Variants in PXDNL observed in about 807,000 individuals in gnomAD.
PXDNL encodes the protein peroxidasin like.
Under a neutral mutation model 150.8 loss-of-function variants are expected in PXDNL, and 145 were observed. That is an observed-to-expected ratio of 0.96 (90% CI 0.84 to 1.10). The LOEUF (loss-of-function observed/expected upper bound fraction) is 1.10, where lower values mean the gene tolerates loss of function less well. Ranked by LOEUF, PXDNL falls within the 50% of genes least tolerant of loss-of-function variation. PXDNL has a pLI of 0.00. For synonymous variants in PXDNL, 757 were observed against 725.7 expected (o/e 1.04, Z -0.69); for missense variants, 2,087 against 1,873.9 (o/e 1.11, Z -2.10).
intron 4 of PXDNL, among the ~76,000 whole-genome samples, chr8:51,550,559 T>C (rs1353388519): frequency 6.6e-6 from 1 of 152,092 alleles, no homozygotes; most frequent in African/African-American, 2.4e-5. Flanking sequence ...ATACACCACA[T>C]AAACAGAATT....
At chr8:51,375,498 G>A (rs907907403) in intron 17 of PXDNL, among the ~76,000 whole-genome samples, 4 of 152,158 alleles carry the variant, frequency 2.6e-5, no homozygotes, top group Non-Finnish European at 5.9e-5. Context: ...ACTACAAATA[G>A]TTTAGTTTGC....
intron 19 of PXDNL, among the ~76,000 whole-genome samples, chr8:51,350,751 T>C (rs1302720552): frequency 6.6e-6 from 1 of 152,204 alleles, no homozygotes; most frequent in Non-Finnish European, 1.5e-5. Flanking sequence ...GACTTGGCTC[T>C]TAGCCACATG....
chr8:51,559,669 G>T (rs1417098948), intron 3 of PXDNL, among the ~76,000 whole-genome samples: 1 of 151,908 alleles, frequency 6.6e-6, no homozygotes, highest in Non-Finnish European at 1.5e-5. Flanking sequence ...TGGCAGAAGG[G>T]GTAGAACAAC....
At chr8:51,626,046 A>G (rs956304963) in intron 2 of PXDNL, among the ~76,000 whole-genome samples, 3 of 152,252 alleles carry the variant, frequency 2.0e-5, no homozygotes, top group African/African-American at 7.2e-5. Flanking sequence ...TGCAACAAAA[A>G]ATGTAATTTT....
At chr8:51,656,557 T>G (rs1563497786) in intron 1 of PXDNL, among the ~76,000 whole-genome samples, 1 of 152,196 alleles carries the variant, frequency 6.6e-6, no homozygotes, top group Non-Finnish European at 1.5e-5. Flanking sequence ...AGGGCTCTCC[T>G]CTTGCATTAA....
At chr8:51,633,574 A>T (rs1474183277) in intron 2 of PXDNL, among the ~76,000 whole-genome samples, 1 of 152,076 alleles carries the variant, frequency 6.6e-6, no homozygotes, top group African/African-American at 2.4e-5. Context: ...ACTTCTTAAT[A>T]ATAGCCATTA....
chr8:51,386,327 G>C (rs554913559), intron 17 of PXDNL, among the ~76,000 whole-genome samples: 1 of 152,000 alleles, frequency 6.6e-6, no homozygotes, highest in African/African-American at 2.4e-5. Context: ...TCCTGACCTC[G>C]TGATCCGCCT....
chr8:51,409,514 C>T lies in PXDNL; in HGVS notation c.2110G>A (p.Ala704Thr). The change falls in exon 17 of 23, where the codon GCC (alanine) becomes ACC (threonine). Residue 704 changes from alanine (A) to threonine (T), a missense_variant. Physicochemically the swap from Ala to Thr is moderately conservative, Grantham distance 58. Coordinates refer to ENST00000356297, the MANE Select transcript of PXDNL (RefSeq NM_144651.5). The part of the protein sequence containing the change: ...LVSPRSLSLI[A>T]NLSGCTARRP... The stretch of plus-strand genomic sequence containing the variant: ...CGAGCTGTGCATCCAGATAAATTGG[C>T]GATGAGGCTGAGGGAGCGCGGGGAC... 1 of 1,609,514 alleles carries T rather than the reference C, an allele frequency of 6.2e-7. No individual in the cohort carries two copies. Among genetic ancestry groups the T allele is most frequent in the Non-Finnish European group, 8.5e-7 (1 of 1,178,548 alleles).
chr8:51,335,662 T>C (rs1223433500), intron 21 of PXDNL, among the ~76,000 whole-genome samples: 1 of 149,046 alleles, frequency 6.7e-6, no homozygotes, highest in African/African-American at 2.5e-5. Context: ...ATATCTCATC[T>C]CATTGTTCAT....
At chr8:51,322,621 G>A (rs1254830954) in intron 21 of PXDNL, among the ~76,000 whole-genome samples, 3 of 152,172 alleles carry the variant, frequency 2.0e-5, no homozygotes, top group Non-Finnish European at 4.4e-5. Context: ...TGAGGAAGGA[G>A]GGAGTGAGAC....
intron 17 of PXDNL, among the ~76,000 whole-genome samples, chr8:51,404,262 T>G (rs1336531317): frequency 1.3e-5 from 2 of 152,252 alleles, no homozygotes; most frequent in African/African-American, 2.4e-5. Context: ...CACTGTTGGC[T>G]CAGGCAGCCT....
chr8:51,748,927 A>T (rs1373011450), intron 1 of PXDNL, among the ~76,000 whole-genome samples: 1 of 152,176 alleles, frequency 6.6e-6, no homozygotes, highest in Non-Finnish European at 1.5e-5. Context: ...CATTTAAGAA[A>T]CTCAATTTAT....
At chr8:51,488,677 A>G (rs540571849) in intron 5 of PXDNL, among the ~76,000 whole-genome samples, 7 of 152,228 alleles carry the variant, frequency 4.6e-5, no homozygotes, top group Non-Finnish European at 8.8e-5. Context: ...CCAAAGGGAA[A>G]ATTTTGTAAG....
chr8:51,437,374 G>C (rs1049257073), intron 12 of PXDNL, among the ~76,000 whole-genome samples: 3 of 152,036 alleles, frequency 2.0e-5, no homozygotes, highest in South Asian at 2.1e-4. Flanking sequence ...AACCAGGAAA[G>C]GACATAACAG....
At chr8:51,591,157 A>G (rs995516790) in intron 3 of PXDNL, among the ~76,000 whole-genome samples, 7 of 152,148 alleles carry the variant, frequency 4.6e-5, no homozygotes, top group African/African-American at 1.7e-4. Flanking sequence ...TCCTTCCATC[A>G]TGTTAGGATA....
chr8:51,495,779 C>T (rs565059816), intron 5 of PXDNL, among the ~76,000 whole-genome samples: 2 of 152,190 alleles, frequency 1.3e-5, no homozygotes, highest in East Asian at 3.9e-4. Flanking sequence ...GAAAGTGAGG[C>T]AATAATTAAT....
chr8:51,631,657 T>C (rs1814490601), intron 2 of PXDNL, among the ~76,000 whole-genome samples: 1 of 152,034 alleles, frequency 6.6e-6, no homozygotes, highest in Non-Finnish European at 1.5e-5. Context: ...AATTTCAGGG[T>C]TTAAGTCTTC....
chr8:51,728,897 C>T (rs867691358), intron 1 of PXDNL, among the ~76,000 whole-genome samples: 2 of 152,158 alleles, frequency 1.3e-5, no homozygotes, highest in Non-Finnish European at 2.9e-5. Context: ...TCACTGACTT[C>T]CCCCAGAGCA....
At chr8:51,763,107 T>C (rs1462955581) in intron 1 of PXDNL, among the ~76,000 whole-genome samples, 4 of 152,176 alleles carry the variant, frequency 2.6e-5, no homozygotes, top group Admixed American at 1.3e-4. Context: ...TTATCCCTTA[T>C]ACCCAGCCCC....
Sources: gnomAD v4.1 joint callset for allele counts (sites outside exome capture counted in the v4.1 genomes callset) on GRCh38, gnomAD v4.1.1 for gene constraint, MANE v1.5 for transcripts, NCBI Gene and HGNC (gene_info 2026-07-23, HGNC 2026-07-21) for gene names.